ADGRL2: variants seen among roughly 807,000 people sequenced by gnomAD.
ADGRL2 encodes the protein calcium-independent alpha-latrotoxin receptor 2.
ADGRL2 carries 44 observed loss-of-function variants against 157.4 expected under a neutral mutation model. That is an observed-to-expected ratio of 0.28 (90% confidence interval 0.22 to 0.36). The LOEUF (loss-of-function observed/expected upper bound fraction) is 0.36. ADGRL2 is among the 10% of genes least tolerant of loss of function. ADGRL2 has a pLI of 1.00. For synonymous variants in ADGRL2, 585 were observed against 624.7 expected (o/e 0.94, Z 0.95); for missense variants, 1,510 against 1,768.9 (o/e 0.85, Z 2.63).
At chr1:81,803,245 C>T (rs186634018) in intron 1 of ADGRL2, among the ~76,000 whole-genome samples, 7 of 152,122 alleles carry the variant, frequency 4.6e-5, no homozygotes, top group Non-Finnish European at 1.0e-4. Flanking sequence ...CTGGGGCGAC[C>T]CTCAGGCAGA....
chr1:81,888,847 T>A (rs187021392), intron 2 of ADGRL2, among the ~76,000 whole-genome samples: 1 of 152,362 alleles, frequency 6.6e-6, no homozygotes, highest in South Asian at 2.1e-4. Flanking sequence ...TTCATGTGTC[T>A]GTGTCACATT....
At chr1:81,721,626 C>A in intron 1 of ADGRL2, 1 of 715,424 alleles carries the variant, frequency 1.4e-6, no homozygotes, top group Non-Finnish European at 2.4e-6. Flanking sequence ...TGTGCGGTCA[C>A]GCCAAGCCAG....
intron 2 of ADGRL2, among the ~76,000 whole-genome samples, chr1:81,523,140 G>A (rs1036767270): frequency 6.6e-6 from 1 of 152,126 alleles, no homozygotes; most frequent in African/African-American, 2.4e-5. Flanking sequence ...TGCATAGATA[G>A]AGACCCATAC....
intron 2 of ADGRL2, among the ~76,000 whole-genome samples, chr1:81,882,990 A>G (rs1323899834): frequency 6.6e-6 from 1 of 152,082 alleles, no homozygotes; most frequent in African/African-American, 2.4e-5. Flanking sequence ...TATTGACAGC[A>G]TTTTTGCTAC....
intron 1 of ADGRL2, among the ~76,000 whole-genome samples, chr1:81,823,689 CAGTT>C (rs1303899284): frequency 6.6e-6 from 1 of 151,952 alleles, no homozygotes; most frequent in Non-Finnish European, 1.5e-5. Context: ...GGGAACCAGT[CAGTT>C]AGACAGTCAA....
chr1:81,588,203 A>G (rs1468988703), intron 3 of ADGRL2: 3 of 152,152 alleles, frequency 2.0e-5, no homozygotes, highest in South Asian at 4.1e-4. Context: ...TCTTATCCCC[A>G]GGGAGGATAA....
chr1:81,502,340 G>T, intron 2 of ADGRL2: 1 of 1,614,138 alleles, frequency 6.2e-7, no homozygotes, highest in Non-Finnish European at 8.5e-7. Context: ...GCAGAATGGT[G>T]GTTTGGCCTG....
intron 1 of ADGRL2, among the ~76,000 whole-genome samples, chr1:81,400,717 A>G (rs2076737851): frequency 6.6e-6 from 1 of 152,124 alleles, no homozygotes; most frequent in African/African-American, 2.4e-5. Context: ...ATGGCTGGAC[A>G]CAGCTGTCTT....
chr1:81,476,189 G>A (rs972174669), intron 2 of ADGRL2, among the ~76,000 whole-genome samples: 4 of 151,980 alleles, frequency 2.6e-5, no homozygotes, highest in African/African-American at 4.8e-5. Context: ...AAGAAAAAAA[G>A]GAAAGAAAGG....
intron 1 of ADGRL2, among the ~76,000 whole-genome samples, chr1:81,324,038 G>A (rs1187893506): frequency 6.6e-6 from 1 of 152,168 alleles, no homozygotes; most frequent in Non-Finnish European, 1.5e-5. Flanking sequence ...AGTGAGGCAG[G>A]AAGATTCCCT....
At chr1:81,722,577 C>T (rs1338049699) in intron 1 of ADGRL2, 3 of 1,474,394 alleles carry the variant, frequency 2.0e-6, no homozygotes, top group South Asian at 1.1e-5. Context: ...CACACAGACG[C>T]CTAGGCCACT....
intron 2 of ADGRL2, among the ~76,000 whole-genome samples, chr1:81,536,152 T>C (rs568078154): frequency 3.9e-5 from 6 of 152,308 alleles, no homozygotes; most frequent in Admixed American, 1.3e-4. Context: ...TCTTTATAAA[T>C]TACAAGTTTG....
intron 3 of ADGRL2, among the ~76,000 whole-genome samples, chr1:81,622,321 G>C (rs1026808564): frequency 1.2e-4 from 19 of 152,264 alleles, no homozygotes; most frequent in African/African-American, 3.6e-4. Context: ...GGTAGCTCAT[G>C]CCTGTAATCC....
At chr1:81,440,137 T>C (rs145421160) in intron 1 of ADGRL2, among the ~76,000 whole-genome samples, 222 of 152,202 alleles carry the variant, frequency 1.5e-3, no homozygotes, top group African/African-American at 4.8e-3. Flanking sequence ...ATATGTAAAA[T>C]AGGTGAAGGG....
chr1:81,417,975 AAGGGGC>A, intron 1 of ADGRL2, among the ~76,000 whole-genome samples: 2 of 152,202 alleles, frequency 1.3e-5, no homozygotes, highest in Non-Finnish European at 2.9e-5. Flanking sequence ...AATGTATTTT[AAGGGGC>A]TCACTTGAAA....
intron 1 of ADGRL2, among the ~76,000 whole-genome samples, chr1:81,338,420 G>A (rs1661812457): frequency 7.2e-6 from 1 of 139,494 alleles, no homozygotes; most frequent in Non-Finnish European, 1.6e-5. Flanking sequence ...TAATATACAG[G>A]CAGTTAACAT....
chr1:81,855,189 A>G (rs974553361), intron 2 of ADGRL2, among the ~76,000 whole-genome samples: 1 of 152,190 alleles, frequency 6.6e-6, no homozygotes, highest in Non-Finnish European at 1.5e-5. Context: ...CTGTAATCCC[A>G]GCACTTTGGG....
chr1:81,783,247 T>C (rs1371083491), intron 2 of ADGRL2, among the ~76,000 whole-genome samples: 1 of 152,050 alleles, frequency 6.6e-6, no homozygotes, highest in Non-Finnish European at 1.5e-5. Context: ...TCTCAGCCTT[T>C]TGAGTAGCTG....
At chr1:81,425,934 A>G (rs904455509) in intron 1 of ADGRL2, among the ~76,000 whole-genome samples, 9 of 152,126 alleles carry the variant, frequency 5.9e-5, no homozygotes, top group African/African-American at 1.9e-4. Context: ...AGATGCAATC[A>G]TAGCTCACTA....
Sources: gnomAD v4.1 joint callset for allele counts (sites outside exome capture counted in the v4.1 genomes callset) on GRCh38, gnomAD v4.1.1 for gene constraint, MANE v1.5 for transcripts, NCBI Gene and HGNC (gene_info 2026-07-23, HGNC 2026-07-21) for gene names.